Variants in XIRP2 observed in about 807,000 individuals in gnomAD.
XIRP2 encodes the protein xin actin binding repeat containing 2, also known as xin actin-binding repeat-containing protein 2.
A neutral mutation model predicts 277.0 loss-of-function variants in XIRP2; 236 were observed. The observed-to-expected ratio is 0.85, with a 90% CI of 0.77 to 0.95. The LOEUF is 0.95. Among genes scored for constraint, XIRP2 ranks in the 40% least tolerant of loss-of-function variants. XIRP2 has a pLI of 0.00. For synonymous variants in XIRP2, 1,490 were observed against 1,416.5 expected, an observed-to-expected ratio of 1.05 and a Z score of -1.17; for missense variants, 4,640 against 4,157.5, an observed-to-expected ratio of 1.12 and a Z score of -3.19.
rs1309862015 is a variant in XIRP2, at chr2:167,250,849, C to A, written c.9457C>A (p.Pro3153Thr). 6.2e-7 allele frequency: 1 copy of A among 1,613,464 alleles called. No homozygotes were observed. The highest frequency in any genetic ancestry group is 1.1e-5 in the South Asian group (1 of 91,070). Residue 3153 changes from proline to threonine, a missense_variant, in exon 9 of 11, where the codon CCC becomes ACC. Pro to Thr is a conservative substitution (Grantham distance 38). Transcript: ENST00000409195. ...QSPKKDSYVE[P>T]PPRRPMSQKS... is the part of the protein sequence containing the mutation. ...CCCTAAAAAGGACAGTTATGTTGAACCCCCACCAAGAAGGCCCATGTCGCA... is the reference window on the plus strand; with the variant it reads ...CCCTAAAAAGGACAGTTATGTTGAAACCCCACCAAGAAGGCCCATGTCGCA...
At chr2:167,085,281 A>G (rs1689898953) in intron 2 of XIRP2, among the ~76,000 whole-genome samples, 1 of 151,508 alleles carries the variant, frequency 6.6e-6, no homozygotes, top group Non-Finnish European at 1.5e-5. Context: ...CCTGAGTTCT[A>G]GTTTGATTGC....
intron 5 of XIRP2, 90 bp from the exon 6 acceptor site, chr2:167,239,765 T>TC (rs1694999404): frequency 9.0e-7 from 1 of 1,114,070 alleles, no homozygotes; most frequent in South Asian, 1.5e-5. Flanking sequence ...CTCATTTTTT[T>TC]TCAGAAATTG....
At chr2:166,902,418 CTTCTGAGACACT>C (rs1318762929) in intron 1 of XIRP2, among the ~76,000 whole-genome samples, 2 of 151,946 alleles carry the variant, frequency 1.3e-5, no homozygotes, top group Non-Finnish European at 2.9e-5. Context: ...GTTAGGTGAC[CTTCTGAGACACT>C]TTCTAAGCCT....
chr2:166,940,863 G>A (rs904995065), intron 2 of XIRP2, among the ~76,000 whole-genome samples: 3 of 152,190 alleles, frequency 2.0e-5, no homozygotes, highest in Non-Finnish European at 4.4e-5. Flanking sequence ...CCTACTTGGG[G>A]GTGCCTCCCT....
intron 2 of XIRP2, among the ~76,000 whole-genome samples, chr2:167,084,865 A>G (rs1423097300): frequency 4.6e-5 from 7 of 150,734 alleles, no homozygotes. Context: ...GCGGTCTATC[A>G]CTTTTGTTGA....
chr2:167,109,523 T>G (rs1217267225), intron 2 of XIRP2, among the ~76,000 whole-genome samples: 2 of 152,176 alleles, frequency 1.3e-5, no homozygotes, highest in African/African-American at 4.8e-5. Flanking sequence ...TCAGGTGATC[T>G]GCCCACCTTG....
chr2:167,067,414 A>G (rs895831732), intron 2 of XIRP2, among the ~76,000 whole-genome samples: 5 of 152,142 alleles, frequency 3.3e-5, no homozygotes, highest in African/African-American at 1.2e-4. Context: ...TCTTGTGCTC[A>G]TGGCTTTCCT....
intron 3 of XIRP2, chr2:167,184,755 A>G (rs1573940438): frequency 3.1e-6 from 2 of 641,156 alleles, no homozygotes; most frequent in Non-Finnish European, 5.7e-6. Context: ...TTTGTCTTCC[A>G]TGACAGCATT....
intron 2 of XIRP2, among the ~76,000 whole-genome samples, chr2:167,083,624 C>G (rs1689816882): frequency 6.6e-6 from 1 of 152,144 alleles, no homozygotes; most frequent in Non-Finnish European, 1.5e-5. Flanking sequence ...TTTCCTTGAG[C>G]AGTGGTTTGT....
At chr2:166,936,213 T>G (rs889697667) in intron 2 of XIRP2, among the ~76,000 whole-genome samples, 31 of 152,262 alleles carry the variant, frequency 2.0e-4, no homozygotes, top group African/African-American at 7.2e-4. Context: ...ATGTCTTCTT[T>G]TGAGAAGTGT....
intron 3 of XIRP2, among the ~76,000 whole-genome samples, chr2:167,157,075 A>G (rs565270553): frequency 1.3e-5 from 2 of 152,266 alleles, no homozygotes; most frequent in African/African-American, 4.8e-5. Flanking sequence ...AGAAATATTT[A>G]CTATGCTTTT....
At chr2:167,151,766 C>A (rs16853075) in intron 3 of XIRP2, among the ~76,000 whole-genome samples, 1 of 151,534 alleles carries the variant, frequency 6.6e-6, no homozygotes, top group Non-Finnish European at 1.5e-5. Flanking sequence ...AGAATGCAGA[C>A]AATAAGTAGG....
At chr2:167,021,397 A>T (rs1448107746) in intron 2 of XIRP2, among the ~76,000 whole-genome samples, 3 of 152,130 alleles carry the variant, frequency 2.0e-5, no homozygotes, top group African/African-American at 7.2e-5. Context: ...TGCTCCCAAA[A>T]CAGTATATTA....
At chr2:167,167,366 A>G (rs1692554847) in intron 3 of XIRP2, among the ~76,000 whole-genome samples, 1 of 152,070 alleles carries the variant, frequency 6.6e-6, no homozygotes, top group Admixed American at 6.5e-5. Flanking sequence ...AATATTTTTC[A>G]TATTTGTTAC....
rs567016738 is a variant in XIRP2, at chr2:166,937,752, A to T, written c.408+33862A>T. ...GACATTTTTTGGTTAGTAAGCTATT[A>T]ATTATTGCCTCAATTTCAGAGCCTG... is the stretch of plus-strand genomic sequence containing the variant. On this transcript the variant is annotated intron_variant, in intron 2 of 10. Transcript: ENST00000409195. 2.0e-5 allele frequency among the ~76,000 whole-genome samples: 3 copies of T among 152,230 alleles called. No individual in the cohort carries two copies. The South Asian group carries it at 6.2e-4, about 32-fold the overall frequency.
intron 3 of XIRP2, among the ~76,000 whole-genome samples, chr2:167,177,867 A>T (rs1333003830): frequency 6.6e-6 from 1 of 152,084 alleles, no homozygotes; most frequent in African/African-American, 2.4e-5. Flanking sequence ...CAGGTTTGAG[A>T]TTATTGATTG....
intron 3 of XIRP2, among the ~76,000 whole-genome samples, chr2:167,193,315 T>G (rs2105368744): frequency 6.6e-6 from 1 of 152,322 alleles, no homozygotes; most frequent in South Asian, 2.1e-4. Context: ...CAGTCACAGC[T>G]TCTTGACTTT....
intron 2 of XIRP2, among the ~76,000 whole-genome samples, chr2:167,025,447 C>T (rs1308224141): frequency 7.9e-5 from 12 of 151,724 alleles, no homozygotes; most frequent in East Asian, 5.8e-4. Flanking sequence ...TTTGTGTCTC[C>T]ATTTCCTTCA....
rs1468018106 is a variant in XIRP2, at chr2:167,258,786, A to T, written c.*969A>T. ...GAAGCAAATGACACTGCAAATGAAT[A>T]TGAAATTGAGAAGTTAGAAAATACA... is the stretch of plus-strand genomic sequence containing the variant. On this transcript the variant is annotated 3_prime_UTR_variant, in exon 11 of 11. Transcript: ENST00000409195. 6.2e-7 allele frequency: 1 copy of T among 1,613,218 alleles called. No individual in the cohort carries two copies. The highest frequency in any genetic ancestry group is 8.5e-7 in the Non-Finnish European group (1 of 1,179,632).
Sources: allele counts gnomAD v4.1 joint callset (sites outside exome capture counted in the v4.1 genomes callset), GRCh38; gene constraint gnomAD v4.1.1; transcripts MANE v1.5; gene names NCBI Gene and HGNC (gene_info 2026-07-23, HGNC 2026-07-21).